BMERB1: variants seen among roughly 807,000 people sequenced by gnomAD.
BMERB1 encodes bMERB domain-containing protein 1.
Under a neutral mutation model 23.6 loss-of-function variants are expected in BMERB1, and 12 were observed. The ratio of observed to expected loss-of-function variants is 0.51; its 90% CI spans 0.33 to 0.82. The LOEUF (loss-of-function observed/expected upper bound fraction) is 0.82. Among genes scored for constraint, BMERB1 ranks in the 40% least tolerant of loss-of-function variants. The pLI is 0.03. For synonymous variants in BMERB1, 122 were observed against 96.6 expected, an observed-to-expected ratio of 1.26 and a Z score of -1.54; for missense variants, 247 against 255.4, an observed-to-expected ratio of 0.97 and a Z score of 0.22.
intron 1 of BMERB1, among the ~76,000 whole-genome samples, chr16:15,505,239 G>C (rs1355704007): frequency 6.6e-6 from 1 of 152,208 alleles, no homozygotes; most frequent in Non-Finnish European, 1.5e-5. Flanking sequence ...GGATGGGATA[G>C]GTACCCCCAG....
intron 4 of BMERB1, 134 bp from the exon 5 acceptor site, chr16:15,583,022 C>G: frequency 1.4e-6 from 1 of 719,970 alleles, no homozygotes; most frequent in Non-Finnish European, 2.5e-6. Flanking sequence ...ATACTGTACA[C>G]GCATAACACG....
intron 1 of BMERB1, among the ~76,000 whole-genome samples, chr16:15,451,164 A>G (rs80256258): frequency 0.06 from 9,196 of 152,060 alleles, 424 homozygotes; most frequent in Non-Finnish European, 0.083. Context: ...TTTCCGTGCA[A>G]CCTTTCGTTT....
chr16:15,504,900 G>A (rs77537200), intron 1 of BMERB1, among the ~76,000 whole-genome samples: 21 of 151,674 alleles, frequency 1.4e-4, no homozygotes, highest in Non-Finnish European at 2.4e-4. Context: ...TAAATGCAGC[G>A]GCTGTGACCC....
At chr16:15,533,485 C>T (rs1022933726) in intron 2 of BMERB1, among the ~76,000 whole-genome samples, 1 of 151,770 alleles carries the variant, frequency 6.6e-6, no homozygotes, top group Non-Finnish European at 1.5e-5. Flanking sequence ...ACCTCTGCCT[C>T]CCAGGTTCAA....
At chr16:15,513,567 ACTG>A (rs1232573829) in intron 1 of BMERB1, among the ~76,000 whole-genome samples, 1 of 152,176 alleles carries the variant, frequency 6.6e-6, no homozygotes, top group African/African-American at 2.4e-5. Flanking sequence ...TAACATTTTA[ACTG>A]CTAACATTTT....
chr16:15,504,261 T>C (rs1196299897), intron 1 of BMERB1, among the ~76,000 whole-genome samples: 1 of 152,258 alleles, frequency 6.6e-6, no homozygotes, highest in African/African-American at 2.4e-5. Context: ...CCTTTTCTTT[T>C]CTCTCTTCTT....
At chr16:15,522,634 C>CCCATA (rs1399396360) in intron 2 of BMERB1, among the ~76,000 whole-genome samples, 1 of 152,162 alleles carries the variant, frequency 6.6e-6, no homozygotes, top group African/African-American at 2.4e-5. Context: ...AAGTCTCTTG[C>CCCATA]CCATGGTTGT....
chr16:15,551,862 C>T (rs1177913211), intron 2 of BMERB1, among the ~76,000 whole-genome samples: 2 of 152,062 alleles, frequency 1.3e-5, no homozygotes. Context: ...GTAGGAAGTG[C>T]CACATTTAAA....
chr16:15,446,590 G>C (rs926719635), intron 1 of BMERB1, among the ~76,000 whole-genome samples: 2 of 152,116 alleles, frequency 1.3e-5, no homozygotes, highest in Admixed American at 6.6e-5. Context: ...TAAGCAATTG[G>C]CCCAATGTCA....
chr16:15,555,311 C>T (rs553814653), intron 2 of BMERB1, among the ~76,000 whole-genome samples: 2 of 152,198 alleles, frequency 1.3e-5, no homozygotes, highest in East Asian at 3.9e-4. Flanking sequence ...TGGACTCTAT[C>T]GATCCTCCCA....
At chr16:15,539,103 AC>A (rs1332582128) in intron 2 of BMERB1, among the ~76,000 whole-genome samples, 1 of 152,012 alleles carries the variant, frequency 6.6e-6, no homozygotes, top group Non-Finnish European at 1.5e-5. Context: ...TAATTATACA[AC>A]TCACCATAAT....
intron 1 of BMERB1, among the ~76,000 whole-genome samples, chr16:15,462,700 G>A (rs1567455645): frequency 6.6e-6 from 1 of 152,126 alleles, no homozygotes. Flanking sequence ...AGGCTCCTGG[G>A]GCTTGAGCAC....
chr16:15,521,582 C>T (rs1225108001), intron 2 of BMERB1, among the ~76,000 whole-genome samples: 1 of 152,142 alleles, frequency 6.6e-6, no homozygotes, highest in Non-Finnish European at 1.5e-5. Flanking sequence ...TAAGTGAGCT[C>T]CCAGCAGGCA....
chr16:15,477,885 A>T (rs1261873368), intron 1 of BMERB1, among the ~76,000 whole-genome samples: 1 of 151,972 alleles, frequency 6.6e-6, no homozygotes, highest in Non-Finnish European at 1.5e-5. Flanking sequence ...ACCTTTCAGA[A>T]TCTCCTTATG....
intron 1 of BMERB1, among the ~76,000 whole-genome samples, chr16:15,472,073 A>G (rs567515840): frequency 3.3e-5 from 5 of 152,118 alleles, no homozygotes. Flanking sequence ...ATTTTCTGTT[A>G]TATTTCTGTT....
chr16:15,550,276 C>G (rs1026405698), intron 2 of BMERB1, among the ~76,000 whole-genome samples: 2 of 150,234 alleles, frequency 1.3e-5, no homozygotes, highest in Non-Finnish European at 3.0e-5. Flanking sequence ...GGTTTGAAGG[C>G]TAATGGAAAT....
chr16:15,546,658 A>G (rs150840153), intron 2 of BMERB1, among the ~76,000 whole-genome samples: 1 of 152,328 alleles, frequency 6.6e-6, no homozygotes, highest in East Asian at 1.9e-4. Flanking sequence ...CTAAAGACCT[A>G]AATAATCAGC....
At chr16:15,540,427 G>A (rs2052067586) in intron 2 of BMERB1, among the ~76,000 whole-genome samples, 1 of 151,950 alleles carries the variant, frequency 6.6e-6, no homozygotes, top group Admixed American at 6.6e-5. Context: ...TCAGGAGGCT[G>A]AAGCATGAGA....
chr16:15,472,199 C>T (rs530752887), intron 1 of BMERB1, among the ~76,000 whole-genome samples: 138 of 152,260 alleles, frequency 9.1e-4, no homozygotes, highest in African/African-American at 3.2e-3. Context: ...GGTAAATGCT[C>T]TGTGAACACT....
Sources: allele counts gnomAD v4.1 joint callset (sites outside exome capture counted in the v4.1 genomes callset), GRCh38; gene constraint gnomAD v4.1.1; transcripts MANE v1.5; gene names NCBI Gene and HGNC (gene_info 2026-07-23, HGNC 2026-07-21).